Variants in DISC1 observed in about 807,000 individuals in gnomAD.
The protein encoded by DISC1 is disrupted in schizophrenia 1 protein.
In DISC1, 57 loss-of-function variants were observed where a neutral mutation model predicts 84.5. The ratio of observed to expected loss-of-function variants is 0.67; its 90% CI spans 0.55 to 0.84. The LOEUF is 0.84. Ranked by LOEUF, DISC1 falls within the 40% of genes least tolerant of loss-of-function variation. The pLI, the probability that DISC1 is intolerant of heterozygous loss-of-function variation, is 0.00. For missense variants in DISC1, 1,000 were observed against 1,057.8 expected, an observed-to-expected ratio of 0.95 and a Z score of 0.76; for synonymous variants, 411 against 415.2, an observed-to-expected ratio of 0.99 and a Z score of 0.12.
chr1:231,980,881 A>G (rs1266699765), intron 10 of DISC1, among the ~76,000 whole-genome samples: 1 of 152,240 alleles, frequency 6.6e-6, no homozygotes, highest in African/African-American at 2.4e-5. Context: ...CTTTTACTCA[A>G]CAATTTCAAG....
At chr1:231,769,854 AGT>A (rs2076422779) in intron 5 of DISC1, among the ~76,000 whole-genome samples, 1 of 152,330 alleles carries the variant, frequency 6.6e-6, no homozygotes, top group South Asian at 2.1e-4. Context: ...TAGAGAGGTT[AGT>A]TGAGAGACTT....
At chr1:231,841,561 T>A (rs2083072454) in intron 9 of DISC1, among the ~76,000 whole-genome samples, 1 of 152,228 alleles carries the variant, frequency 6.6e-6, no homozygotes, top group Non-Finnish European at 1.5e-5. Context: ...TCTAAATGCT[T>A]AGTATCAGAG....
At chr1:231,643,895 C>T (rs1369536865) in intron 1 of DISC1, among the ~76,000 whole-genome samples, 1 of 152,138 alleles carries the variant, frequency 6.6e-6, no homozygotes, top group Non-Finnish European at 1.5e-5. Context: ...GAGCCTTTTT[C>T]TAATTCATCA....
intron 1 of DISC1, among the ~76,000 whole-genome samples, chr1:231,659,872 G>A (rs1309329009): frequency 6.6e-6 from 1 of 152,172 alleles, no homozygotes; most frequent in African/African-American, 2.4e-5. Context: ...TGCATTTGCT[G>A]AGGAGTGTTT....
At chr1:231,870,758 A>C (rs2085399835) in intron 9 of DISC1, among the ~76,000 whole-genome samples, 1 of 152,214 alleles carries the variant, frequency 6.6e-6, no homozygotes, top group South Asian at 2.1e-4. Flanking sequence ...CTGTTTTTAG[A>C]GATTAGCCAT....
rs1163221219 is a variant in DISC1 at position 232,037,977 on chromosome 1, GGCAGTGCAGTACTCAGTAAC to G, written c.*1147_*1166del. 11 of 145,734 alleles carry G rather than the reference GGCAGTGCAGTACTCAGTAAC, an allele frequency of 7.5e-5. No individual in the cohort carries two copies. Among genetic ancestry groups the G allele is most frequent in the Non-Finnish European group, 1.4e-4 (9 of 65,338 alleles). 9.0% of individuals were successfully genotyped at this position (145,734 alleles called of 1,614,324 possible). On this transcript the variant is annotated 3_prime_UTR_variant, in exon 13 of 13. Transcript: ENST00000439617. ...TCAGTAACAGTGCAGTACTCAGTAA[GGCAGTGCAGTACTCAGTAAC>G]ACAGTGCAGTACTCAGTAATACAGT...
At chr1:231,937,246 G>A (rs1022469523) in intron 9 of DISC1, among the ~76,000 whole-genome samples, 1 of 152,186 alleles carries the variant, frequency 6.6e-6, no homozygotes, top group Non-Finnish European at 1.5e-5. Flanking sequence ...ATCCTTTTAA[G>A]CCAATAATTT....
chr1:231,796,808 G>A (rs2078802019), intron 7 of DISC1, among the ~76,000 whole-genome samples: 2 of 152,020 alleles, frequency 1.3e-5, no homozygotes, highest in Non-Finnish European at 1.5e-5. Flanking sequence ...TTGATCTCCC[G>A]GGCTCAGGTA....
chr1:231,834,730 GAGAGAGT>G (rs1378476798), intron 9 of DISC1, among the ~76,000 whole-genome samples: 1 of 152,090 alleles, frequency 6.6e-6, no homozygotes, highest in East Asian at 1.9e-4. Context: ...CCAGAGAAAA[GAGAGAGT>G]AGAGACACGG....
At chr1:231,680,901 G>C (rs2063623246) in intron 1 of DISC1, among the ~76,000 whole-genome samples, 1 of 152,244 alleles carries the variant, frequency 6.6e-6, no homozygotes, top group African/African-American at 2.4e-5. Flanking sequence ...GGACTAGCAT[G>C]AAAGAAGCTG....
chr1:231,926,949 A>G (rs2090390432), intron 9 of DISC1, among the ~76,000 whole-genome samples: 1 of 152,226 alleles, frequency 6.6e-6, no homozygotes, highest in Non-Finnish European at 1.5e-5. Context: ...TCAGAAGGCT[A>G]TTGGCCTCCT....
chr1:231,942,797 A>G (rs1240066544), intron 9 of DISC1, among the ~76,000 whole-genome samples: 1 of 152,264 alleles, frequency 6.6e-6, no homozygotes, highest in Non-Finnish European at 1.5e-5. Context: ...AGCCGCCCAT[A>G]GGTCCTTGTG....
chr1:231,881,792 G>A (rs1449137943), intron 9 of DISC1, among the ~76,000 whole-genome samples: 2 of 152,030 alleles, frequency 1.3e-5, no homozygotes, highest in Admixed American at 6.5e-5. Context: ...CTCATCACAC[G>A]AGGCTTCTGA....
At chr1:231,723,844 C>T (rs2070230871) in intron 3 of DISC1, 2 of 985,436 alleles carry the variant, frequency 2.0e-6, no homozygotes, top group Non-Finnish European at 2.4e-6. Context: ...GGGTGGGCTA[C>T]ATCTTCTTAC....
At chr1:231,729,272 T>C (rs572563941) in intron 3 of DISC1, among the ~76,000 whole-genome samples, 1 of 152,366 alleles carries the variant, frequency 6.6e-6, no homozygotes, top group Non-Finnish European at 1.5e-5. Context: ...TCCAAGTCTT[T>C]GCTATTGTGA....
At chr1:231,947,270 T>C (rs915072705) in intron 9 of DISC1, among the ~76,000 whole-genome samples, 1 of 149,284 alleles carries the variant, frequency 6.7e-6, no homozygotes, top group Non-Finnish European at 1.5e-5. Flanking sequence ...TATAGACCAA[T>C]GGAGCAGAAC....
At chr1:231,859,777 G>A (rs188617879) in intron 9 of DISC1, among the ~76,000 whole-genome samples, 2 of 152,316 alleles carry the variant, frequency 1.3e-5, no homozygotes, top group East Asian at 3.9e-4. Context: ...AGCACGGGTA[G>A]ATGATGGAGA....
rs532472311 is a variant in DISC1, at chr1:231,648,489, C to A, written c.67+21555C>A. 2.8e-4 allele frequency among the ~76,000 whole-genome samples: 42 copies of A among 152,178 alleles called. No homozygotes were observed. The South Asian group carries it at 8.3e-3, about 30-fold the overall frequency. Reference sequence around the variant, plus strand: ...ATTTTATTCAGGATTTTTGCATCGACGTTCATCAGGGATATTGGTCTAAAA... The same window carrying A: ...ATTTTATTCAGGATTTTTGCATCGAAGTTCATCAGGGATATTGGTCTAAAA... On this transcript the variant is annotated intron_variant, in intron 1 of 12. Transcript: ENST00000439617.
At chr1:231,689,942 G>C (rs551052657) in intron 1 of DISC1, among the ~76,000 whole-genome samples, 1 of 152,338 alleles carries the variant, frequency 6.6e-6, no homozygotes, top group South Asian at 2.1e-4. Context: ...GGGAGCTGAT[G>C]GGGGAGGGAT....
Sources: allele counts gnomAD v4.1 joint callset (sites outside exome capture counted in the v4.1 genomes callset), GRCh38; gene constraint gnomAD v4.1.1; transcripts MANE v1.5; gene names NCBI Gene and HGNC (gene_info 2026-07-23, HGNC 2026-07-21).